DLGAP2: variants seen among roughly 807,000 people sequenced by gnomAD.
The protein encoded by DLGAP2 is DLG associated protein 2, also known as disks large-associated protein 2.
In DLGAP2, 26 loss-of-function variants were observed where a neutral mutation model predicts 100.3. That is an observed-to-expected ratio of 0.26 (90% CI 0.19 to 0.36). The LOEUF is 0.36. Ranked by LOEUF, DLGAP2 falls within the 10% of genes least tolerant of loss-of-function variation. The pLI, the probability that DLGAP2 is intolerant of heterozygous loss-of-function variation, is 1.00. For synonymous variants in DLGAP2, 886 were observed against 630.1 expected (o/e 1.41, Z -6.08); for missense variants, 1,858 against 1,453.2 (o/e 1.28, Z -4.53).
intron 2 of DLGAP2, among the ~76,000 whole-genome samples, chr8:1,224,375 C>A (rs1000667031): frequency 2.6e-5 from 4 of 152,052 alleles, no homozygotes; most frequent in Non-Finnish European, 4.4e-5. Context: ...AAGAACAGAG[C>A]CTGCTTGGCA....
At chr8:1,277,468 A>G (rs954906521) in intron 3 of DLGAP2, among the ~76,000 whole-genome samples, 7 of 152,218 alleles carry the variant, frequency 4.6e-5, no homozygotes, top group African/African-American at 1.7e-4. Flanking sequence ...GTGTGGGGTC[A>G]AATGGGAGTG....
At chr8:1,197,758 A>T (rs1797783741) in intron 2 of DLGAP2, among the ~76,000 whole-genome samples, 2 of 152,132 alleles carry the variant, frequency 1.3e-5, no homozygotes, top group Admixed American at 1.3e-4. Flanking sequence ...GCCAATGTTG[A>T]GGGTCTGGGC....
intron 7 of DLGAP2, among the ~76,000 whole-genome samples, chr8:1,627,777 G>T (rs562802708): frequency 6.6e-6 from 1 of 151,840 alleles, no homozygotes; most frequent in African/African-American, 2.4e-5. Context: ...TTACTGTGGA[G>T]CAGGGATTAA....
At chr8:1,425,402 C>T (rs780361604) in intron 3 of DLGAP2, among the ~76,000 whole-genome samples, 28 of 152,200 alleles carry the variant, frequency 1.8e-4, no homozygotes, top group Admixed American at 3.9e-4. Context: ...AGCTTTGCTA[C>T]TCGACAGCAT....
intron 3 of DLGAP2, among the ~76,000 whole-genome samples, chr8:1,467,061 G>T (rs909384135): frequency 1.3e-5 from 2 of 152,118 alleles, no homozygotes; most frequent in African/African-American, 4.8e-5. Flanking sequence ...TAAAGAAGAC[G>T]GATGCCCGGC....
chr8:1,129,743 T>C (rs1796246541), intron 2 of DLGAP2, among the ~76,000 whole-genome samples: 1 of 152,190 alleles, frequency 6.6e-6, no homozygotes, highest in Non-Finnish European at 1.5e-5. Context: ...CATGTTAACC[T>C]GAATCCTACG....
intron 3 of DLGAP2, among the ~76,000 whole-genome samples, chr8:1,392,186 G>T (rs570831232): frequency 6.6e-6 from 1 of 152,144 alleles, no homozygotes; most frequent in Admixed American, 6.5e-5. Context: ...TTCCAGGCTC[G>T]GGTGCCATTG....
intron 3 of DLGAP2, among the ~76,000 whole-genome samples, chr8:1,436,599 G>A (rs1797637252): frequency 6.6e-6 from 1 of 152,140 alleles, no homozygotes; most frequent in African/African-American, 2.4e-5. Context: ...GTATGCTAAG[G>A]TTAACTTATT....
chr8:1,087,198 G>A (rs550687490), intron 2 of DLGAP2, among the ~76,000 whole-genome samples: 9 of 152,288 alleles, frequency 5.9e-5, no homozygotes, highest in African/African-American at 7.2e-5. Context: ...AACATCATGC[G>A]TACCGAAACA....
At chr8:1,567,243 C>T (rs186760978) in intron 6 of DLGAP2, among the ~76,000 whole-genome samples, 5 of 152,328 alleles carry the variant, frequency 3.3e-5, no homozygotes, top group Admixed American at 1.3e-4. Context: ...TCAGCTCTCA[C>T]CCACCTTTTA....
At chr8:890,156 C>T (rs926874491) in intron 1 of DLGAP2, among the ~76,000 whole-genome samples, 7 of 152,058 alleles carry the variant, frequency 4.6e-5, no homozygotes, top group East Asian at 1.9e-4. Context: ...TGTTTTTTTC[C>T]GATGGGAGCC....
Position 967,318 on chromosome 8 carries a change from C to T in DLGAP2, c.73+59352C>T, listed in dbSNP as rs191004354. On this transcript the variant is annotated intron_variant, in intron 2 of 14. Coordinates refer to ENST00000637795, the MANE Select transcript of DLGAP2 (RefSeq NM_001346810.2). ...GCCCAGCTTAAGCGCATATCCCTTT[C>T]GAACATGAAGGTTCAGATAAGGCAT... Among the ~76,000 whole-genome samples the T allele has an allele frequency of 1.9e-3, 294 of 152,274 alleles. 2 individuals carry two copies. The highest frequency in any genetic ancestry group is 6.8e-3 in the African/African-American group (283 of 41,546).
chr8:1,240,331 T>G (rs1309701769), intron 2 of DLGAP2, among the ~76,000 whole-genome samples: 1 of 147,352 alleles, frequency 6.8e-6, no homozygotes, highest in African/African-American at 2.5e-5. Flanking sequence ...TCTAGTTCTC[T>G]CTCACACATA....
intron 2 of DLGAP2, among the ~76,000 whole-genome samples, chr8:1,204,047 G>C (rs935311495): frequency 2.0e-5 from 3 of 152,232 alleles, no homozygotes; most frequent in African/African-American, 7.2e-5. Context: ...CGAACCACCT[G>C]AGGATCTCAG....
intron 3 of DLGAP2, among the ~76,000 whole-genome samples, chr8:1,360,137 G>C (rs953758386): frequency 1.3e-5 from 2 of 151,968 alleles, no homozygotes; most frequent in African/African-American, 4.8e-5. Flanking sequence ...CTTGCCTTCT[G>C]GGTGTGACCT....
chr8:1,234,671 C>G (rs1293640906), intron 2 of DLGAP2, among the ~76,000 whole-genome samples: 1 of 152,162 alleles, frequency 6.6e-6, no homozygotes, highest in East Asian at 1.9e-4. Flanking sequence ...GAGAACGAGG[C>G]TTAAAATTAT....
At chr8:1,078,116 G>A (rs1803685483) in intron 2 of DLGAP2, among the ~76,000 whole-genome samples, 1 of 152,090 alleles carries the variant, frequency 6.6e-6, no homozygotes, top group African/African-American at 2.4e-5. Flanking sequence ...TGGGAGGGAT[G>A]GTGAGTCCCT....
At chr8:990,364 G>GAGTTCCTGTTCTTCTCTCCCACCTTGCCC (rs1563131878) in intron 2 of DLGAP2, among the ~76,000 whole-genome samples, 1 of 55,676 alleles carries the variant, frequency 1.8e-5, no homozygotes, top group Admixed American at 2.1e-4. Flanking sequence ...TCCTTGCCCG[G>GAGTTCCTGTTCTTCTCTCCCACCTTGCCC]ACCCCCTGCA....
rs531619740 is a variant in DLGAP2, at chr8:1,519,582, T to G, written c.172+18151T>G. Among the ~76,000 whole-genome samples the G allele has an allele frequency of 2.0e-3, 304 of 152,394 alleles. 1 individual carries two copies. The highest frequency in any genetic ancestry group is 3.5e-3 in the Non-Finnish European group (240 of 68,038). ...CCCTGATCCCCTTGTTTAACGGTTC[T>G]GACGACCCTGAGCCTGGCTCTCCCC... is the stretch of plus-strand genomic sequence containing the variant. On this transcript the variant is annotated intron_variant, in intron 4 of 14. Transcript: ENST00000637795.
Sources: allele counts gnomAD v4.1 joint callset (sites outside exome capture counted in the v4.1 genomes callset), GRCh38; gene constraint gnomAD v4.1.1; transcripts MANE v1.5; gene names NCBI Gene and HGNC (gene_info 2026-07-23, HGNC 2026-07-21).